Variants in HS3ST3A1 observed in about 807,000 individuals in gnomAD.
HS3ST3A1 encodes heparan sulfate-glucosamine 3-sulfotransferase 3A1, also known as heparan sulfate glucosamine 3-O-sulfotransferase 3A1.
In HS3ST3A1, 19 loss-of-function variants were observed where a neutral mutation model predicts 25.7. That is an observed-to-expected ratio of 0.74 (90% CI 0.52 to 1.08). The LOEUF is 1.08. HS3ST3A1 is among the 50% of genes least tolerant of loss of function. The probability of loss-of-function intolerance (pLI) is 0.00; values close to 1 mark genes in which losing one functional copy is unlikely to be tolerated. For missense variants in HS3ST3A1, 459 were observed against 594.3 expected, an observed-to-expected ratio of 0.77 and a Z score of 2.37; for synonymous variants, 226 against 278.6, an observed-to-expected ratio of 0.81 and a Z score of 1.88.
intron 1 of HS3ST3A1, among the ~76,000 whole-genome samples, chr17:13,503,969 G>T (rs565715226): frequency 1.3e-5 from 2 of 152,158 alleles, no homozygotes; most frequent in Admixed American, 1.3e-4. Context: ...CAAAATAGAC[G>T]CACGTAGACA....
chr17:13,601,206 G>C lies in HS3ST3A1; in HGVS notation c.-77C>G. 1 of 1,164,016 alleles carries C rather than the reference G, an allele frequency of 8.6e-7. No homozygotes were observed. The highest frequency in any genetic ancestry group is 3.0e-5 in the East Asian group (1 of 32,836). The allele number at this position is 1,164,016 out of a possible 1,614,324, so 72.1% of individuals were successfully genotyped here. A position where few individuals can be genotyped will look rare whatever the true frequency, so the allele number is the denominator to read the frequency against. ...CCGACAGGTGCCAGAGCATCCCCCC[G>C]GCGGGCCAGCGCGCTGGACGGAGGC... is the stretch of plus-strand genomic sequence containing the variant. On this transcript the variant is annotated 5_prime_UTR_variant, in exon 1 of 2. Transcript: ENST00000284110.
intron 1 of HS3ST3A1, among the ~76,000 whole-genome samples, chr17:13,551,721 C>T (rs1358492420): frequency 6.6e-6 from 1 of 152,030 alleles, no homozygotes; most frequent in Non-Finnish European, 1.5e-5. Flanking sequence ...GAATTTCATT[C>T]TTGATCATCT....
intron 1 of HS3ST3A1, among the ~76,000 whole-genome samples, chr17:13,530,039 C>G (rs1314769822): frequency 6.9e-6 from 1 of 145,744 alleles, no homozygotes; most frequent in African/African-American, 2.5e-5. Context: ...CACATACACA[C>G]GGGTTGGGGT....
At position 13,496,082 on chromosome 17, in the gene HS3ST3A1, A is replaced by C; in HGVS notation, c.*115T>G. On this transcript the variant is annotated 3_prime_UTR_variant, in exon 2 of 2. Transcript: ENST00000284110. ...GAGTGAGAACAATCTCTTAACATTC[A>C]TTGAAAAAAATACTGAAACATATTT... 1 of 1,260,660 alleles carries C rather than the reference A, an allele frequency of 7.9e-7. No homozygotes were observed. Among genetic ancestry groups the C allele is most frequent in the East Asian group, 2.6e-5 (1 of 38,218 alleles). 78.1% of individuals were successfully genotyped at this position (1,260,660 alleles called of 1,614,324 possible).
intron 1 of HS3ST3A1, among the ~76,000 whole-genome samples, chr17:13,576,667 G>A (rs1434064443): frequency 1.3e-5 from 2 of 152,084 alleles, no homozygotes; most frequent in Admixed American, 6.5e-5. Context: ...CGGTGTTAAG[G>A]GTGTCCAAAA....
At chr17:13,597,571 G>GT (rs535234211) in intron 1 of HS3ST3A1, among the ~76,000 whole-genome samples, 14 of 151,136 alleles carry the variant, frequency 9.3e-5, no homozygotes, top group Non-Finnish European at 1.5e-4. Flanking sequence ...AATGAGGAGT[G>GT]TTTTTTTTTA....
chr17:13,556,494 C>T (rs939230549), intron 1 of HS3ST3A1, among the ~76,000 whole-genome samples: 8 of 106,870 alleles, frequency 7.5e-5, no homozygotes, highest in South Asian at 2.6e-4. Context: ...GGCGACAGAG[C>T]GAGACTTTGT....
intron 1 of HS3ST3A1, among the ~76,000 whole-genome samples, chr17:13,586,783 T>C (rs1027649595): frequency 7.3e-6 from 1 of 137,666 alleles, no homozygotes; most frequent in Non-Finnish European, 1.5e-5. Flanking sequence ...GGCAGGAGAA[T>C]GGCATGAACC....
In HS3ST3A1 at chr17:13,600,719, C is replaced by T; in HGVS notation, c.411G>A (p.Pro137=). The stretch of plus-strand genomic sequence containing the variant: ...CCAGGAGCAGCGCCAGGGTCCCCGG[C>T]GGGGCCTCGGCCACGGTGCTTCCGG... ...SGAGSTVAEA[P]PGTLALLLDE... The change falls in exon 1 of 2, where the codon CCG becomes CCA. Residue 137 remains proline (P), a synonymous_variant. Coordinates refer to ENST00000284110, the MANE Select transcript of HS3ST3A1 (RefSeq NM_006042.3). The T allele has an allele frequency of 6.5e-7, 1 of 1,550,338 alleles. No homozygotes were observed. Among genetic ancestry groups the T allele is most frequent in the Admixed American group, 1.9e-5 (1 of 53,706 alleles).
rs531031486 is a variant in HS3ST3A1, at chr17:13,532,901, TTA to T, written c.600-36085_600-36084del. ...TACGTGTGTGTGTGTGTGTATATGT[TTA>T]TATACACACACACACACACACACAT... On this transcript the variant is annotated intron_variant, in intron 1 of 1. Transcript: ENST00000284110. Among the ~76,000 whole-genome samples, 780 of 83,226 alleles carry T rather than the reference TTA, an allele frequency of 9.4e-3. 5 individuals are homozygous for T. Among genetic ancestry groups the T allele is most frequent in the Middle Eastern group, 0.045 (6 of 134 alleles). 54.6% of individuals were successfully genotyped at this position (83,226 alleles called of 152,430 possible).
intron 1 of HS3ST3A1, among the ~76,000 whole-genome samples, chr17:13,585,869 T>G (rs58804128): frequency 9.5e-6 from 1 of 104,906 alleles, no homozygotes; most frequent in Non-Finnish European, 1.9e-5. Flanking sequence ...TTTTTTTTTC[T>G]GACAGAGTCT....
chr17:13,500,762 A>G (rs1160413560), intron 1 of HS3ST3A1, among the ~76,000 whole-genome samples: 1 of 152,244 alleles, frequency 6.6e-6, no homozygotes, highest in Non-Finnish European at 1.5e-5. Context: ...AAAGATAAGC[A>G]GAAATTTCAC....
chr17:13,584,362 T>TTTTCA (rs1908190677), intron 1 of HS3ST3A1, among the ~76,000 whole-genome samples: 1 of 151,438 alleles, frequency 6.6e-6, no homozygotes, highest in South Asian at 2.1e-4. Flanking sequence ...TGGCTACGTG[T>TTTTCA]GTTTAATCAT....
chr17:13,502,087 G>A (rs756397606), intron 1 of HS3ST3A1, among the ~76,000 whole-genome samples: 6 of 152,078 alleles, frequency 3.9e-5, no homozygotes, highest in African/African-American at 7.2e-5. Context: ...CCACTCTACC[G>A]TGCTAGGGAA....
chr17:13,531,693 G>A (rs1182549425), intron 1 of HS3ST3A1, among the ~76,000 whole-genome samples: 1 of 152,000 alleles, frequency 6.6e-6, no homozygotes, highest in African/African-American at 2.4e-5. Context: ...TGATAAATTG[G>A]CTTCAGCTTC....
intron 1 of HS3ST3A1, among the ~76,000 whole-genome samples, chr17:13,593,678 AG>A (rs576731283): frequency 1.2e-3 from 190 of 152,362 alleles, no homozygotes; most frequent in South Asian, 2.1e-3. Context: ...AACGCCTGTT[AG>A]GCTTCTCCTG....
At chr17:13,558,149 G>A (rs1267230728) in intron 1 of HS3ST3A1, among the ~76,000 whole-genome samples, 2 of 152,060 alleles carry the variant, frequency 1.3e-5, no homozygotes, top group African/African-American at 2.4e-5. Context: ...ATAGAGGCTC[G>A]AGCCTGTAGC....
intron 1 of HS3ST3A1, among the ~76,000 whole-genome samples, chr17:13,505,547 T>C (rs1005861809): frequency 2.0e-5 from 3 of 151,690 alleles, no homozygotes; most frequent in South Asian, 2.1e-4. Context: ...AGGGTGCTGA[T>C]AGTGGGAAAG....
chr17:13,548,359 C>T (rs966187514), intron 1 of HS3ST3A1, among the ~76,000 whole-genome samples: 54 of 152,190 alleles, frequency 3.5e-4, no homozygotes, highest in Middle Eastern at 3.4e-3. Flanking sequence ...GCACTAATCC[C>T]GTCATAGCAT....
Sources: allele counts gnomAD v4.1 joint callset (sites outside exome capture counted in the v4.1 genomes callset), GRCh38; gene constraint gnomAD v4.1.1; transcripts MANE v1.5; gene names NCBI Gene and HGNC (gene_info 2026-07-23, HGNC 2026-07-21).